The following MAP3K14 variants were observed in gnomAD, a reference collection of about 807,000 sequenced individuals.
MAP3K14 encodes NF-kappa-beta-inducing kinase.
In MAP3K14, 16 loss-of-function variants were observed where a neutral mutation model predicts 99.2. The ratio of observed to expected loss-of-function variants is 0.16; its 90% CI spans 0.11 to 0.24. The LOEUF (loss-of-function observed/expected upper bound fraction) is 0.24, where lower values mean the gene tolerates loss of function less well. Among genes scored for constraint, MAP3K14 ranks in the 10% least tolerant of loss-of-function variants. The probability of loss-of-function intolerance (pLI) is 1.00; values close to 1 mark genes in which losing one functional copy is unlikely to be tolerated. For synonymous variants in MAP3K14, 462 were observed against 492.4 expected, an observed-to-expected ratio of 0.94 and a Z score of 0.82; for missense variants, 784 against 1,208.7, an observed-to-expected ratio of 0.65 and a Z score of 5.21.
chr17:45,299,474 G>A (rs2044370344), intron 1 of MAP3K14, among the ~76,000 whole-genome samples: 1 of 152,196 alleles, frequency 6.6e-6, no homozygotes, highest in Admixed American at 6.5e-5. Flanking sequence ...AATCTGACAA[G>A]TGACAGGCTT....
In MAP3K14 at chr17:45,264,600, C is replaced by A; in HGVS notation, c.*36G>T. The A allele has an allele frequency of 6.5e-7, 1 of 1,537,178 alleles. No individual in the cohort carries two copies. Among genetic ancestry groups the A allele is most frequent in the East Asian group, 2.4e-5 (1 of 41,216 alleles). ...CATCGTGCACCGAGCAGGAAGGCTG[C>A]TTCCGGCAGTGTGGAGCCGGCGGTG... On this transcript the variant is annotated 3_prime_UTR_variant, in exon 16 of 16. Transcript: ENST00000344686.
chr17:45,313,486 A>G (rs1310643583), intron 1 of MAP3K14, among the ~76,000 whole-genome samples: 1 of 152,164 alleles, frequency 6.6e-6, no homozygotes, highest in Non-Finnish European at 1.5e-5. Flanking sequence ...AGAGAAGTGA[A>G]GTGATTTGCT....
chr17:45,284,875 G>A lies in MAP3K14; in HGVS notation c.1227C>T (p.Gly409=). The change falls in exon 6 of 16, where the codon GGC becomes GGT. Residue 409 remains glycine (G), a synonymous_variant. Coordinates refer to ENST00000344686, the MANE Select transcript of MAP3K14 (RefSeq NM_003954.5). ...CCATCCTGTGCACCTCTCCGAAGGA[G>A]CCTCTGCCCAGGCGGAGCTGGTGCG... ...WATHQLRLGR[G]SFGEVHRMED... is the part of the protein sequence containing the mutation. The A allele has an allele frequency of 6.3e-7, 1 of 1,576,514 alleles. No homozygotes were observed. Among genetic ancestry groups the A allele is most frequent in the Non-Finnish European group, 8.6e-7 (1 of 1,161,044 alleles).
intron 6 of MAP3K14, among the ~76,000 whole-genome samples, chr17:45,280,452 C>T (rs369588687): frequency 2.0e-4 from 30 of 151,902 alleles, no homozygotes; most frequent in Admixed American, 5.9e-4. Flanking sequence ...TACAGGCATG[C>T]GCCACCACGC....
In MAP3K14 at chr17:45,309,257, T is replaced by C. The variant is rs7209898; in HGVS notation, c.-21+7703A>G. Among the ~76,000 whole-genome samples the C allele has an allele frequency of 6.4e-3, 973 of 152,312 alleles. 14 individuals are homozygous for C. The highest frequency in any genetic ancestry group is 0.022 in the African/African-American group (922 of 41,568). ...GTACAAGACCCCAGGGTGAGAGAAA[T>C]ACCAAGGTGTTCCCACCCAGGCACC... On this transcript the variant is annotated intron_variant, in intron 1 of 15. Transcript: ENST00000344686.
intron 10 of MAP3K14, 47 bp from the exon 11 acceptor site, chr17:45,270,610 T>C (rs1365368945): frequency 2.7e-6 from 4 of 1,504,488 alleles, no homozygotes; most frequent in Non-Finnish European, 3.5e-6. Flanking sequence ...CCTCATTTCC[T>C]GATACCCGGC....
chr17:45,302,604 G>A lies in MAP3K14; in HGVS notation c.-20-11839C>T, dbSNP rs1194047052. Among the ~76,000 whole-genome samples, 11 of 152,206 alleles carry A rather than the reference G, an allele frequency of 7.2e-5. No homozygotes were observed. In the East Asian group the frequency reaches 9.6e-4, roughly 13 times the overall value. On this transcript the variant is annotated intron_variant, in intron 1 of 15. Coordinates refer to ENST00000344686, the MANE Select transcript of MAP3K14 (RefSeq NM_003954.5). ...ATTACAGGCATGAGCCACTGTGCCCGGCCAAGTATTACTTTTTAATCATGA... is the reference window on the plus strand; with the variant it reads ...ATTACAGGCATGAGCCACTGTGCCCAGCCAAGTATTACTTTTTAATCATGA...
rs150700026 is a variant in MAP3K14 at position 45,270,645 on chromosome 17, C to T, written c.1822-82G>A. The T allele has an allele frequency of 3.2e-4, 457 of 1,442,652 alleles. 1 individual carries two copies. In the African/African-American group the frequency reaches 5.8e-3, roughly 18 times the overall value. The allele number at this position is 1,442,652 out of a possible 1,614,324, so 89.4% of individuals were successfully genotyped here. ...CTGTTATTGCTCTTTGCGCAACTCC[C>T]GCCGGCCCCTGTTCCCGCTGTGCTG... is the stretch of plus-strand genomic sequence containing the variant. On this transcript the variant is annotated intron_variant, in intron 10 of 15. Coordinates refer to ENST00000344686, the MANE Select transcript of MAP3K14 (RefSeq NM_003954.5).
chr17:45,265,387 T>C, intron 14 of MAP3K14, 124 bp from the exon 15 acceptor site: 1 of 685,632 alleles, frequency 1.5e-6, no homozygotes, highest in South Asian at 1.6e-5. Flanking sequence ...GGGGAGCAGG[T>C]CTGGCTGTGA....
Position 45,266,981 on chromosome 17 carries a change from A to G in MAP3K14, c.2433+111T>C. 3.6e-6 allele frequency: 3 copies of G among 835,010 alleles called. No individual in the cohort carries two copies. The East Asian group carries it at 8.0e-5, about 22-fold the overall frequency. The allele number at this position is 835,010 out of a possible 1,614,324, so 51.7% of individuals were successfully genotyped here. A position where few individuals can be genotyped will look rare whatever the true frequency, so the allele number is the denominator to read the frequency against. On this transcript the variant is annotated intron_variant, in intron 13 of 15. Transcript: ENST00000344686. ...GACCCCCATCACCCTCCCTTTACCC[A>G]CTACTTGCACAGTGTCCATTCACTA... is the stretch of plus-strand genomic sequence containing the variant.
intron 9 of MAP3K14, 90 bp downstream of exon 9, chr17:45,273,413 G>A (rs1050452017): frequency 1.2e-4 from 121 of 987,562 alleles, no homozygotes; most frequent in Non-Finnish European, 4.6e-6. Context: ...GGACCTAAGT[G>A]TTCACACCTC....
chr17:45,288,184 G>C (rs1404898997), intron 3 of MAP3K14, among the ~76,000 whole-genome samples: 1 of 152,184 alleles, frequency 6.6e-6, no homozygotes, highest in Middle Eastern at 3.2e-3. Flanking sequence ...TGAAAGAAGT[G>C]TGTCTATCAG....
intron 7 of MAP3K14, 85 bp downstream of exon 7, chr17:45,274,379 T>C (rs2044163242): frequency 6.3e-7 from 1 of 1,587,384 alleles, no homozygotes; most frequent in South Asian, 1.1e-5. Flanking sequence ...AATGGATAGA[T>C]CAGTGACCAA....
In MAP3K14 at chr17:45,264,495, C is replaced by A; in HGVS notation, c.*141G>T. Reference sequence around the variant, plus strand: ...AGGCATTCTGCTTGCCCCCACCTTGCTGCTGCGAGGCCCTGGTCCCACTGC... The same window carrying A: ...AGGCATTCTGCTTGCCCCCACCTTGATGCTGCGAGGCCCTGGTCCCACTGC... On this transcript the variant is annotated 3_prime_UTR_variant, in exon 16 of 16. Transcript: ENST00000344686. 9.4e-7 allele frequency: 1 copy of A among 1,067,074 alleles called. No homozygotes were observed. The highest frequency in any genetic ancestry group is 1.7e-5 in the South Asian group (1 of 57,668). 66.1% of individuals were successfully genotyped at this position (1,067,074 alleles called of 1,614,324 possible).
chr17:45,300,076 G>A (rs989303739), intron 1 of MAP3K14, among the ~76,000 whole-genome samples: 1 of 152,110 alleles, frequency 6.6e-6, no homozygotes, highest in Non-Finnish European at 1.5e-5. Context: ...GCAACAGAGC[G>A]AGACTCCATC....
chr17:45,270,887 T>C (rs1242490460), intron 10 of MAP3K14, 171 bp downstream of exon 10: 1 of 967,800 alleles, frequency 1.0e-6, no homozygotes, highest in African/African-American at 1.6e-5. Flanking sequence ...CAGCTGGATC[T>C]CCCCTTGTAC....
At chr17:45,294,805 G>A (rs1368761033) in intron 1 of MAP3K14, among the ~76,000 whole-genome samples, 1 of 152,210 alleles carries the variant, frequency 6.6e-6, no homozygotes, top group Admixed American at 6.5e-5. Context: ...TACTCAAGGC[G>A]ACACTGTCCA....
chr17:45,298,591 C>T (rs1250599016), intron 1 of MAP3K14, among the ~76,000 whole-genome samples: 4 of 152,306 alleles, frequency 2.6e-5, no homozygotes, highest in East Asian at 3.9e-4. Context: ...TCTAGGCACC[C>T]GATAAAGAGC....
intron 2 of MAP3K14, 116 bp from the exon 3 acceptor site, chr17:45,289,421 C>A (rs1207464773): frequency 2.6e-6 from 2 of 769,304 alleles, no homozygotes; most frequent in Non-Finnish European, 4.4e-6. Flanking sequence ...CCTTTCCAGA[C>A]AACCCCTGTC....
Sources: gnomAD v4.1 joint callset for allele counts (sites outside exome capture counted in the v4.1 genomes callset) on GRCh38, gnomAD v4.1.1 for gene constraint, MANE v1.5 for transcripts, NCBI Gene and HGNC (gene_info 2026-07-23, HGNC 2026-07-21) for gene names.